NRG3: variants seen among roughly 807,000 people sequenced by gnomAD.
NRG3 encodes neuregulin 3.
NRG3 carries 31 observed loss-of-function variants against 66.9 expected under a neutral mutation model. The ratio of observed to expected loss-of-function variants is 0.46; its 90% CI spans 0.35 to 0.63. The LOEUF is 0.63. Ranked by LOEUF, NRG3 falls within the 20% of genes least tolerant of loss-of-function variation. The probability of loss-of-function intolerance (pLI) is 0.00; values close to 1 mark genes in which losing one functional copy is unlikely to be tolerated. For synonymous variants in NRG3, 393 were observed against 359.4 expected (o/e 1.09, Z -1.06); for missense variants, 910 against 878.9 (o/e 1.04, Z -0.45).
intron 2 of NRG3, among the ~76,000 whole-genome samples, chr10:82,462,578 G>A (rs186727552): frequency 1.1e-4 from 16 of 152,160 alleles, no homozygotes; most frequent in African/African-American, 3.9e-4. Flanking sequence ...GAGGCCCAAG[G>A]GTCAGTGAGG....
chr10:82,489,379 G>C (rs559717880), intron 2 of NRG3, among the ~76,000 whole-genome samples: 1 of 152,284 alleles, frequency 6.6e-6, no homozygotes, highest in Middle Eastern at 3.4e-3. Context: ...GCAGTTTTCT[G>C]GAATAAGCTT....
chr10:82,489,522 C>A (rs536349097), intron 2 of NRG3, among the ~76,000 whole-genome samples: 1 of 152,242 alleles, frequency 6.6e-6, no homozygotes, highest in South Asian at 2.1e-4. Context: ...AGGAGGGAAG[C>A]AATAACCTAA....
At chr10:82,540,945 T>A (rs1008244304) in intron 2 of NRG3, among the ~76,000 whole-genome samples, 2 of 152,140 alleles carry the variant, frequency 1.3e-5, no homozygotes, top group Non-Finnish European at 2.9e-5. Context: ...TTAAGGTGTG[T>A]CCTAATCCAA....
chr10:82,657,829 A>G (rs2051995961), intron 2 of NRG3, among the ~76,000 whole-genome samples: 1 of 152,088 alleles, frequency 6.6e-6, no homozygotes, highest in Non-Finnish European at 1.5e-5. Flanking sequence ...TCGTTCATGA[A>G]AAAATAGATA....
At chr10:82,846,066 A>G (rs182458584) in intron 3 of NRG3, among the ~76,000 whole-genome samples, 7 of 152,294 alleles carry the variant, frequency 4.6e-5, no homozygotes, top group East Asian at 1.9e-4. Context: ...ACCCCCGGAG[A>G]GATGAATGTC....
At chr10:82,499,196 A>G (rs1843914498) in intron 2 of NRG3, among the ~76,000 whole-genome samples, 1 of 152,198 alleles carries the variant, frequency 6.6e-6, no homozygotes, top group South Asian at 2.1e-4. Context: ...CACTTGAGGC[A>G]AAGAGCCAAC....
At chr10:82,784,103 G>T (rs1210795506) in intron 3 of NRG3, among the ~76,000 whole-genome samples, 1 of 152,008 alleles carries the variant, frequency 6.6e-6, no homozygotes, top group Non-Finnish European at 1.5e-5. Flanking sequence ...AACAAGCAAT[G>T]GGGAAAGGAT....
intron 3 of NRG3, among the ~76,000 whole-genome samples, chr10:82,752,768 T>C (rs548570306): frequency 1.3e-5 from 2 of 152,222 alleles, no homozygotes; most frequent in Non-Finnish European, 1.5e-5. Context: ...TCTTCCACCA[T>C]GTGAGGACAC....
intron 3 of NRG3, among the ~76,000 whole-genome samples, chr10:82,757,309 T>C (rs1395743344): frequency 6.6e-6 from 1 of 152,118 alleles, no homozygotes; most frequent in Non-Finnish European, 1.5e-5. Flanking sequence ...CCACTTTTTG[T>C]ACACGTGTTG....
chr10:82,586,241 A>T (rs1361419746), intron 2 of NRG3, among the ~76,000 whole-genome samples: 5 of 28,802 alleles, frequency 1.7e-4, no homozygotes, highest in Non-Finnish European at 2.4e-4. Context: ...TGAAATTATT[A>T]AAAAAAAAAA....
chr10:82,784,547 T>C (rs1268370423), intron 3 of NRG3, among the ~76,000 whole-genome samples: 215 of 152,200 alleles, frequency 1.4e-3, no homozygotes, highest in African/African-American at 4.9e-3. Flanking sequence ...GGGCAAAGGA[T>C]ATGAACAGAC....
intron 2 of NRG3, among the ~76,000 whole-genome samples, chr10:82,380,762 C>G (rs899231606): frequency 1.3e-5 from 2 of 152,244 alleles, no homozygotes; most frequent in Admixed American, 6.5e-5. Flanking sequence ...TACCACCAGT[C>G]ACATTGCACA....
intron 2 of NRG3, among the ~76,000 whole-genome samples, chr10:82,611,522 G>T (rs2048313506): frequency 6.6e-6 from 1 of 152,090 alleles, no homozygotes; most frequent in Non-Finnish European, 1.5e-5. Flanking sequence ...TGTGGTGTTT[G>T]GTTTTCCGTC....
At chr10:82,707,174 C>T (rs1452948253) in intron 2 of NRG3, among the ~76,000 whole-genome samples, 3 of 151,658 alleles carry the variant, frequency 2.0e-5, no homozygotes, top group East Asian at 3.9e-4. Context: ...ACAGAAACAA[C>T]GAAGAGCTTT....
rs550630147 is a variant in NRG3, at chr10:81,919,291, A to G, written c.823+43128A>G. ...TATAAGAATAGGATATAAGTGTGGC[A>G]GCGCTGAAAATCAGATGGACATTGC... On this transcript the variant is annotated intron_variant, in intron 1 of 8. Transcript: ENST00000372141. Among the ~76,000 whole-genome samples the G allele has an allele frequency of 2.6e-5, 4 of 152,326 alleles. No homozygotes were observed. In the South Asian group the frequency reaches 8.3e-4, roughly 32 times the overall value.
At chr10:82,383,107 TAA>T (rs1275282122) in intron 2 of NRG3, among the ~76,000 whole-genome samples, 3 of 152,114 alleles carry the variant, frequency 2.0e-5, no homozygotes, top group African/African-American at 7.2e-5. Context: ...ACACTGGTAT[TAA>T]AGTTTGTTTA....
chr10:82,454,072 T>C (rs1215900137), intron 2 of NRG3, among the ~76,000 whole-genome samples: 1 of 152,232 alleles, frequency 6.6e-6, no homozygotes. Context: ...AATTGCTCAG[T>C]AAATCACAGC....
chr10:82,936,608 G>A (rs950052804), intron 4 of NRG3, among the ~76,000 whole-genome samples: 1 of 152,094 alleles, frequency 6.6e-6, no homozygotes, highest in African/African-American at 2.4e-5. Flanking sequence ...TGTATATTCA[G>A]TCTTTTCCCC....
intron 2 of NRG3, among the ~76,000 whole-genome samples, chr10:82,616,324 T>C (rs79162144): frequency 0.027 from 4,179 of 152,274 alleles, 204 homozygotes; most frequent in African/African-American, 0.095. Flanking sequence ...ATTTCACTCA[T>C]CCAGAAAGAA....
Sources: gnomAD v4.1 joint callset for allele counts (sites outside exome capture counted in the v4.1 genomes callset) on GRCh38, gnomAD v4.1.1 for gene constraint, MANE v1.5 for transcripts, NCBI Gene and HGNC (gene_info 2026-07-23, HGNC 2026-07-21) for gene names.